PHACTR2: variants seen among roughly 807,000 people sequenced by gnomAD.
PHACTR2 encodes the protein chromosome 6 open reading frame 56.
Under a neutral mutation model 76.0 loss-of-function variants are expected in PHACTR2, and 30 were observed. The observed-to-expected ratio is 0.39, with a 90% CI of 0.30 to 0.54. PHACTR2 has a LOEUF of 0.54. Among genes scored for constraint, PHACTR2 ranks in the 20% least tolerant of loss-of-function variants. The pLI is 0.61. For missense variants in PHACTR2, 696 were observed against 781.1 expected (o/e 0.89, Z 1.30); for synonymous variants, 292 against 292.5 (o/e 1.00, Z 0.02).
rs1303264146 is a variant in PHACTR2, at chr6:143,591,878, G to A, written c.217+54671G>A. On this transcript the variant is annotated intron_variant, in intron 1 of 11. Transcript: ENST00000367584. This position sits in a 1 kb window ranked among gnomAD's most constrained non-coding sequence, Gnocchi z 6.4. ...AATTCCTGGCTCAAACAGGGAATTT[G>A]TCCACTTCCAGGTTTTCCTGGGCCA... Among the ~76,000 whole-genome samples the A allele has an allele frequency of 2.0e-5, 3 of 152,216 alleles. No individual in the cohort carries two copies. The highest frequency in any genetic ancestry group is 4.4e-5 in the Non-Finnish European group (3 of 68,034).
At chr6:143,638,725 T>C (rs147553871) in intron 1 of PHACTR2, among the ~76,000 whole-genome samples, 2 of 152,256 alleles carry the variant, frequency 1.3e-5, no homozygotes, top group East Asian at 3.9e-4. Context: ...AGTTAGAAGA[T>C]GAATGTTAGC....
intron 10 of PHACTR2, among the ~76,000 whole-genome samples, chr6:143,786,120 T>C (rs1775550994): frequency 6.6e-6 from 1 of 152,228 alleles, no homozygotes; most frequent in African/African-American, 2.4e-5. Flanking sequence ...TTTTATGCTC[T>C]GTTTCCCTTT....
chr6:143,596,108 T>C lies in PHACTR2; in HGVS notation c.217+58901T>C, dbSNP rs1775752366. On this transcript the variant is annotated intron_variant, in intron 1 of 11. Transcript: ENST00000367584. This position sits in a 1 kb window ranked among gnomAD's most constrained non-coding sequence, Gnocchi z 4.6. ...ACTAATCATTATGCTTATTAAGTAA[T>C]TTAACTATCTCAAATGAATTACAGA... 6.6e-6 allele frequency among the ~76,000 whole-genome samples: 1 copy of C among 152,256 alleles called. No homozygotes were observed. Among genetic ancestry groups the C allele is most frequent in the Non-Finnish European group, 1.5e-5 (1 of 68,046 alleles).
At chr6:143,634,229 T>C (rs1308228158) in intron 1 of PHACTR2, among the ~76,000 whole-genome samples, 1 of 152,194 alleles carries the variant, frequency 6.6e-6, no homozygotes, top group African/African-American at 2.4e-5. Context: ...GCAACCTCTT[T>C]GGGAGAAGGT....
chr6:143,657,314 T>C (rs1776865078), intron 1 of PHACTR2, among the ~76,000 whole-genome samples: 1 of 152,110 alleles, frequency 6.6e-6, no homozygotes, highest in South Asian at 2.1e-4. Context: ...CATACAGCCA[T>C]GCACTCCACA....
intron 11 of PHACTR2, among the ~76,000 whole-genome samples, chr6:143,790,726 T>C (rs1339369864): frequency 6.6e-6 from 1 of 150,654 alleles, no homozygotes; most frequent in African/African-American, 2.4e-5. Flanking sequence ...CAGGCTGGAG[T>C]GCTGTGGCTC....
At position 143,795,526 on chromosome 6, in the gene PHACTR2, G is replaced by C. The variant is rs991881000; in HGVS notation, c.1845+6616G>C. On this transcript the variant is annotated intron_variant, in intron 11 of 12. Coordinates refer to ENST00000440869, the MANE Select transcript of PHACTR2 (RefSeq NM_001100164.2). The surrounding 1 kb of genome is among the most constrained non-coding windows in gnomAD (Gnocchi z 4.8). ...AGATGGCCTGGTTTCCTGCACTGAG[G>C]TAGATAGACGAGCTGGCCCTTCAGT... 6.6e-6 allele frequency among the ~76,000 whole-genome samples: 1 copy of C among 152,240 alleles called. No homozygotes were observed. Among genetic ancestry groups the C allele is most frequent in the Non-Finnish European group, 1.5e-5 (1 of 68,046 alleles).
In PHACTR2 at chr6:143,654,668, G is replaced by A. The variant is rs911355886; in HGVS notation, c.13+46346G>A. 1.3e-4 allele frequency among the ~76,000 whole-genome samples: 20 copies of A among 151,884 alleles called. No individual in the cohort carries two copies. The highest frequency in any genetic ancestry group is 1.2e-3 in the Admixed American group (19 of 15,252). On this transcript the variant is annotated intron_variant, in intron 1 of 11. Coordinates refer to the PHACTR2 transcript ENST00000305766. This position sits in a 1 kb window ranked among gnomAD's most constrained non-coding sequence, Gnocchi z 4.6. ...AAAAGTAAAAAATTAGCCAAGCATG[G>A]TGGTGCACGCCTGTAGTCCTAGTGA...
chr6:143,663,211 C>T lies in PHACTR2; in HGVS notation c.14-48805C>T, dbSNP rs538200451. Among the ~76,000 whole-genome samples, 1 of 152,186 alleles carries T rather than the reference C, an allele frequency of 6.6e-6. No homozygotes were observed. Among genetic ancestry groups the T allele is most frequent in the Non-Finnish European group, 1.5e-5 (1 of 68,008 alleles). ...TCTTTTTGCTATAGTGATCTATTTC[C>T]CTTTGAGTATATACCCAGTAATGAT... On this transcript the variant is annotated intron_variant, in intron 1 of 11. Transcript: ENST00000305766. This position sits in a 1 kb window ranked among gnomAD's most constrained non-coding sequence, Gnocchi z 4.1.
intron 1 of PHACTR2, among the ~76,000 whole-genome samples, chr6:143,644,760 T>G (rs1159623832): frequency 5.9e-5 from 8 of 135,398 alleles, no homozygotes; most frequent in African/African-American, 1.9e-4. Context: ...TTAGGGTTTG[T>G]TTTTTTTTTT....
chr6:143,744,412 C>A (rs1025184171), intron 2 of PHACTR2, among the ~76,000 whole-genome samples: 1 of 152,144 alleles, frequency 6.6e-6, no homozygotes, highest in Non-Finnish European at 1.5e-5. Context: ...GTAAGCAAAA[C>A]AGAATTTTGG....
At position 143,806,751 on chromosome 6, in the gene PHACTR2, C is replaced by T. The variant is rs142449751; in HGVS notation, c.1846-306C>T. Among the ~76,000 whole-genome samples the T allele has an allele frequency of 1.3e-5, 2 of 152,134 alleles. No individual in the cohort carries two copies. The highest frequency in any genetic ancestry group is 4.8e-5 in the African/African-American group (2 of 41,506). On this transcript the variant is annotated intron_variant, in intron 11 of 12. Transcript: ENST00000440869. This position sits in a 1 kb window ranked among gnomAD's most constrained non-coding sequence, Gnocchi z 5.8. ...AGAGGATCACTTGAGCCTAGAAGTT[C>T]GAGATCAGCCTGGGCAACATCTTGA...
Position 143,647,878 on chromosome 6 carries a change from C to T in PHACTR2, c.13+39556C>T, listed in dbSNP as rs984608327. On this transcript the variant is annotated intron_variant, in intron 1 of 11. Coordinates refer to the PHACTR2 transcript ENST00000305766. The surrounding 1 kb of genome is among the most constrained non-coding windows in gnomAD (Gnocchi z 4.2). ...GGCACAGAGCTAGCCACAGCCAACT[C>T]AGGGAGGCGTTGTAGGCCCTGGTAA... Among the ~76,000 whole-genome samples, 2 of 152,188 alleles carry T rather than the reference C, an allele frequency of 1.3e-5. No homozygotes were observed. Among genetic ancestry groups the T allele is most frequent in the Admixed American group, 6.5e-5 (1 of 15,286 alleles).
In PHACTR2 at chr6:143,596,270, C is replaced by A. The variant is rs936486803; in HGVS notation, c.217+59063C>A. ...ATTCCTCTAGGTCTTCATTTGGTGT[C>A]TTTTTAGCGTATGTTCTGTTTTCCA... On this transcript the variant is annotated intron_variant, in intron 1 of 11. Coordinates refer to the PHACTR2 transcript ENST00000367584. This position sits in a 1 kb window ranked among gnomAD's most constrained non-coding sequence, Gnocchi z 4.6. Among the ~76,000 whole-genome samples the A allele has an allele frequency of 2.6e-5, 4 of 151,978 alleles. No individual in the cohort carries two copies. In the South Asian group the frequency reaches 8.3e-4, roughly 32 times the overall value.
intron 1 of PHACTR2, among the ~76,000 whole-genome samples, chr6:143,551,923 T>A (rs1447803502): frequency 6.6e-6 from 1 of 152,208 alleles, no homozygotes; most frequent in Non-Finnish European, 1.5e-5. Flanking sequence ...CACTGGAATT[T>A]TCCTACATAG....
At position 143,709,090 on chromosome 6, in the gene PHACTR2, G is replaced by A. The variant is rs960081885; in HGVS notation, c.47-2926G>A. Among the ~76,000 whole-genome samples, 1 of 152,204 alleles carries A rather than the reference G, an allele frequency of 6.6e-6. No homozygotes were observed. The highest frequency in any genetic ancestry group is 1.5e-5 in the Non-Finnish European group (1 of 68,026). On this transcript the variant is annotated intron_variant, in intron 1 of 12. Coordinates refer to ENST00000440869, the MANE Select transcript of PHACTR2 (RefSeq NM_001100164.2). This position sits in a 1 kb window ranked among gnomAD's most constrained non-coding sequence, Gnocchi z 4.4. ...AAACCATACTCTCAGTTCCCCCTGGGTTTGCCCTCTGGTTCAAAGAGGGAA... is the reference window on the plus strand; with the variant it reads ...AAACCATACTCTCAGTTCCCCCTGGATTTGCCCTCTGGTTCAAAGAGGGAA...
rs1775919482 is a variant in PHACTR2, at chr6:143,800,172, A to T, written c.1846-6885A>T. ...TCTCTTTTGATCTTTGTTGGTTTAA[A>T]GTCTGTTTTATCAGAGACCAGGATT... On this transcript the variant is annotated intron_variant, in intron 11 of 12. Transcript: ENST00000440869. This position sits in a 1 kb window ranked among gnomAD's most constrained non-coding sequence, Gnocchi z 4.8. Among the ~76,000 whole-genome samples, 1 of 152,014 alleles carries T rather than the reference A, an allele frequency of 6.6e-6. No homozygotes were observed. Among genetic ancestry groups the T allele is most frequent in the African/African-American group, 2.4e-5 (1 of 41,372 alleles).
At position 143,697,648 on chromosome 6, in the gene PHACTR2, T is replaced by G. The variant is rs1248030643; in HGVS notation, c.47-14368T>G. 6.6e-6 allele frequency among the ~76,000 whole-genome samples: 1 copy of G among 152,212 alleles called. No individual in the cohort carries two copies. Among genetic ancestry groups the G allele is most frequent in the Non-Finnish European group, 1.5e-5 (1 of 68,032 alleles). ...ATTTTCCCAATTTCAAACATTAGTGTTTGTTATATTATCTTTCAAAATATT... is the reference window on the plus strand; with the variant it reads ...ATTTTCCCAATTTCAAACATTAGTGGTTGTTATATTATCTTTCAAAATATT... On this transcript the variant is annotated intron_variant, in intron 1 of 12. Transcript: ENST00000440869. This position sits in a 1 kb window ranked among gnomAD's most constrained non-coding sequence, Gnocchi z 4.4.
At position 143,624,433 on chromosome 6, in the gene PHACTR2, G is replaced by C. The variant is rs1404881298; in HGVS notation, c.13+16111G>C. Among the ~76,000 whole-genome samples the C allele has an allele frequency of 6.6e-6, 1 of 152,102 alleles. No homozygotes were observed. Among genetic ancestry groups the C allele is most frequent in the South Asian group, 2.1e-4 (1 of 4,828 alleles). On this transcript the variant is annotated intron_variant, in intron 1 of 11. Coordinates refer to the PHACTR2 transcript ENST00000305766. The surrounding 1 kb of genome is among the most constrained non-coding windows in gnomAD (Gnocchi z 4.6). ...AAATCTTGTTAATTCTTATGACCAAGACGCAGTCATAGTTACTAATTCATA... is the reference window on the plus strand; with the variant it reads ...AAATCTTGTTAATTCTTATGACCAACACGCAGTCATAGTTACTAATTCATA...
Sources: allele counts gnomAD v4.1 joint callset (sites outside exome capture counted in the v4.1 genomes callset), GRCh38; gene constraint gnomAD v4.1.1; non-coding constraint Gnocchi (gnomAD v3.1); transcripts MANE v1.5; gene names NCBI Gene and HGNC (gene_info 2026-07-23, HGNC 2026-07-21).